MYL12B: variants seen among roughly 807,000 people sequenced by gnomAD.
MYL12B encodes myosin light chain 12B, also known as myosin regulatory light chain 12B.
In MYL12B, 3 loss-of-function variants were observed where a neutral mutation model predicts 12.9. The ratio of observed to expected loss-of-function variants is 0.23; its 90% CI spans 0.11 to 0.60. MYL12B has a LOEUF of 0.60. Among genes scored for constraint, MYL12B ranks in the 20% least tolerant of loss-of-function variants. The pLI, the probability that MYL12B is intolerant of heterozygous loss-of-function variation, is 0.89. For missense variants in MYL12B, 120 were observed against 215.4 expected (o/e 0.56, Z 2.77); for synonymous variants, 57 against 71.9 (o/e 0.79, Z 1.05).
At chr18:3,275,504 T>C (rs1489460375) in intron 2 of MYL12B, among the ~76,000 whole-genome samples, 2 of 152,214 alleles carry the variant, frequency 1.3e-5, no homozygotes, top group African/African-American at 2.4e-5. Flanking sequence ...AAGGGATGGC[T>C]ATGCCATTTA....
At position 3,278,000 on chromosome 18, in the gene MYL12B, C is replaced by G; in HGVS notation, c.*63C>G. On this transcript the variant is annotated 3_prime_UTR_variant, in exon 4 of 4. Coordinates refer to ENST00000237500, the MANE Select transcript of MYL12B (RefSeq NM_033546.4). ...ACTCTCTTTTACTTCTCAGACACTT[C>G]CCCCACCCTCATAGAACCTGTTGCA... The G allele has an allele frequency of 6.4e-7, 1 of 1,558,828 alleles. No individual in the cohort carries two copies. The highest frequency in any genetic ancestry group is 2.4e-5 in the East Asian group (1 of 42,334).
At chr18:3,273,129 G>T in intron 2 of MYL12B, 47 bp downstream of exon 2, 8 of 1,501,446 alleles carry the variant, frequency 5.3e-6, no homozygotes, top group East Asian at 2.3e-5. Flanking sequence ...ATAATAATTT[G>T]TCTCTTTATG....
intron 2 of MYL12B, among the ~76,000 whole-genome samples, chr18:3,273,961 G>T (rs943627158): frequency 6.6e-6 from 1 of 151,664 alleles, no homozygotes; most frequent in Non-Finnish European, 1.5e-5. Context: ...GTTTAGGTGT[G>T]TACTTATTCC....
intron 2 of MYL12B, among the ~76,000 whole-genome samples, chr18:3,273,797 C>T (rs1286422162): frequency 2.7e-5 from 4 of 150,180 alleles, no homozygotes; most frequent in Admixed American, 6.6e-5. Context: ...TGAGACTTTG[C>T]GCTCTGTCCT....
intron 2 of MYL12B, chr18:3,276,939 A>T (rs912619413): frequency 3.1e-6 from 3 of 975,232 alleles, no homozygotes; most frequent in Non-Finnish European, 3.6e-6. Flanking sequence ...AAAAAAAAAA[A>T]ATTAAGATGT....
chr18:3,273,294 T>C (rs2081698189), intron 2 of MYL12B, among the ~76,000 whole-genome samples: 1 of 152,100 alleles, frequency 6.6e-6, no homozygotes, highest in Non-Finnish European at 1.5e-5. Flanking sequence ...TGTGCCCGGG[T>C]AGGCTAATGT....
At chr18:3,271,436 C>A (rs6506095) in intron 1 of MYL12B, among the ~76,000 whole-genome samples, 145,076 of 152,238 alleles carry the variant, frequency 0.95, 69,199 homozygotes, top group Non-Finnish European at 0.98. Flanking sequence ...GTAGACAATA[C>A]ATTTATATAA....
intron 1 of MYL12B, among the ~76,000 whole-genome samples, chr18:3,265,940 C>G (rs1038694264): frequency 2.0e-5 from 3 of 152,120 alleles, no homozygotes; most frequent in Admixed American, 2.0e-4. Context: ...GGAAAATTCC[C>G]CGTGCTATGC....
intron 2 of MYL12B, among the ~76,000 whole-genome samples, chr18:3,275,307 CAG>C (rs1403549725): frequency 6.6e-6 from 1 of 151,938 alleles, no homozygotes; most frequent in Non-Finnish European, 1.5e-5. Context: ...GGATGGTTAT[CAG>C]AGACTGGGAA....
At chr18:3,277,212 A>G (rs1438552802) in intron 2 of MYL12B, 41 bp from the exon 3 acceptor site, 2 of 1,475,208 alleles carry the variant, frequency 1.4e-6, no homozygotes, top group Non-Finnish European at 1.8e-6. Flanking sequence ...ATTGAAATTA[A>G]ATGTTTTTGT....
intron 1 of MYL12B, among the ~76,000 whole-genome samples, chr18:3,265,759 C>G (rs2081629624): frequency 6.6e-6 from 1 of 152,270 alleles, no homozygotes; most frequent in Middle Eastern, 3.4e-3. Flanking sequence ...GCAGGAATAA[C>G]TAGCAAATCA....
chr18:3,264,913 T>C (rs956539380), intron 1 of MYL12B, among the ~76,000 whole-genome samples: 16 of 152,188 alleles, frequency 1.1e-4, no homozygotes, highest in Non-Finnish European at 2.1e-4. Context: ...GTATACACAT[T>C]ATAAAAACTT....
chr18:3,277,246 C>A lies in MYL12B; in HGVS notation c.185-7C>A. ...GTCTTTAAATGTTAAAATGTGTATT[C>A]TTACAGGGAAGAATCCCACTGATGC... On this transcript the variant is annotated splice_polypyrimidine_tract_variant and splice_region_variant and intron_variant, in intron 2 of 3. Coordinates refer to ENST00000237500, the MANE Select transcript of MYL12B (RefSeq NM_033546.4). 1.0e-5 allele frequency: 16 copies of A among 1,561,084 alleles called. No individual in the cohort carries two copies. Among genetic ancestry groups the A allele is most frequent in the Non-Finnish European group, 1.4e-5 (16 of 1,153,108 alleles).
chr18:3,262,839 G>GT (rs2144348439), intron 1 of MYL12B: 1 of 152,404 alleles, frequency 6.6e-6, no homozygotes, highest in Admixed American at 6.5e-5. Flanking sequence ...TTTACATAGA[G>GT]TTGTAATTCG....
intron 1 of MYL12B, among the ~76,000 whole-genome samples, chr18:3,269,963 T>A (rs2081664253): frequency 6.6e-6 from 1 of 152,192 alleles, no homozygotes; most frequent in African/African-American, 2.4e-5. Context: ...TTTCTACTGT[T>A]ATGGAGCACC....
intron 1 of MYL12B, among the ~76,000 whole-genome samples, chr18:3,266,709 A>G (rs2081637703): frequency 6.6e-6 from 1 of 152,216 alleles, no homozygotes; most frequent in Admixed American, 6.5e-5. Context: ...AATATCTGAA[A>G]TTTAGGTTAT....
At position 3,273,385 on chromosome 18, in the gene MYL12B, G is replaced by A. The variant is rs112482427; in HGVS notation, c.184+303G>A. On this transcript the variant is annotated intron_variant, in intron 2 of 3. Coordinates refer to ENST00000237500, the MANE Select transcript of MYL12B (RefSeq NM_033546.4). ...AGCAAAATACCAGAGTTTCAAACAA[G>A]TGTAGCTAAATAATATACTTAATAA... 7.4e-3 allele frequency among the ~76,000 whole-genome samples: 1,123 copies of A among 152,218 alleles called. 15 individuals carry two copies. The highest frequency in any genetic ancestry group is 0.025 in the African/African-American group (1,051 of 41,516).
chr18:3,277,197 TAAC>T, intron 2 of MYL12B, 53 bp from the exon 3 acceptor site: 1 of 1,437,952 alleles, frequency 7.0e-7, no homozygotes, highest in Admixed American at 2.4e-5. Flanking sequence ...AATAGTGAAA[TAAC>T]TATTGAAATT....
intron 1 of MYL12B, among the ~76,000 whole-genome samples, chr18:3,267,352 G>A (rs1002386728): frequency 8.5e-5 from 13 of 152,202 alleles, no homozygotes; most frequent in Non-Finnish European, 1.6e-4. Context: ...TGCTCTGTGA[G>A]CATCTTCCCC....
Sources: gnomAD v4.1 joint callset for allele counts (sites outside exome capture counted in the v4.1 genomes callset) on GRCh38, gnomAD v4.1.1 for gene constraint, MANE v1.5 for transcripts, NCBI Gene and HGNC (gene_info 2026-07-23, HGNC 2026-07-21) for gene names.